The following GNG7 variants were observed in gnomAD, a reference collection of about 807,000 sequenced individuals.
GNG7 encodes guanine nucleotide-binding protein G(I)/G(S)/G(O) subunit gamma-7.
A neutral mutation model predicts 4.0 loss-of-function variants in GNG7; 1 was observed. That is an observed-to-expected ratio of 0.25 (90% CI 0.09 to 1.18). GNG7 has a LOEUF of 1.18. GNG7 is among the 50% of genes most tolerant of loss of function. The pLI, the probability that GNG7 is intolerant of heterozygous loss-of-function variation, is 0.50. For synonymous variants in GNG7, 34 were observed against 36.9 expected, an observed-to-expected ratio of 0.92 and a Z score of 0.29; for missense variants, 86 against 91.9, an observed-to-expected ratio of 0.94 and a Z score of 0.26.
chr19:2,523,407 C>T (rs1599371566), intron 3 of GNG7, among the ~76,000 whole-genome samples: 1 of 151,794 alleles, frequency 6.6e-6, no homozygotes, highest in East Asian at 1.9e-4. Context: ...AGAAAATTAG[C>T]TGGGCATGGG....
chr19:2,538,623 C>T (rs1304481939), intron 3 of GNG7: 6 of 435,602 alleles, frequency 1.4e-5, no homozygotes, highest in Non-Finnish European at 2.3e-5. Flanking sequence ...AGAGCAAGAC[C>T]CTGTCTTTAA....
At chr19:2,685,685 G>C (rs1012015650) in intron 1 of GNG7, among the ~76,000 whole-genome samples, 2 of 152,156 alleles carry the variant, frequency 1.3e-5, no homozygotes, top group East Asian at 3.9e-4. Flanking sequence ...CTGAGAGTCA[G>C]AGACGGGGGA....
In GNG7 at chr19:2,514,992, G is replaced by T; in HGVS notation, c.*30C>A. The T allele has an allele frequency of 6.4e-7, 1 of 1,567,368 alleles. No homozygotes were observed. The highest frequency in any genetic ancestry group is 8.8e-7 in the Non-Finnish European group (1 of 1,138,764). On this transcript the variant is annotated 3_prime_UTR_variant, in exon 5 of 5. Coordinates refer to ENST00000382159, the MANE Select transcript of GNG7 (RefSeq NM_052847.3). ...ACAGAGAGAGAGAGAGAGAAAGAGA[G>T]AGAGAGAGAGAGAACATATGAGAAC...
chr19:2,639,363 G>C (rs1039142835), intron 2 of GNG7, among the ~76,000 whole-genome samples: 1 of 151,902 alleles, frequency 6.6e-6, no homozygotes, highest in Non-Finnish European at 1.5e-5. Context: ...CTGAGACGCC[G>C]GAACAGAAAG....
intron 3 of GNG7, among the ~76,000 whole-genome samples, chr19:2,539,760 C>A (rs542368007): frequency 6.6e-6 from 1 of 152,266 alleles, no homozygotes; most frequent in South Asian, 2.1e-4. Flanking sequence ...TTAGGGAGAA[C>A]AACCTAGAGG....
intron 3 of GNG7, among the ~76,000 whole-genome samples, chr19:2,531,770 CAAAA>C (rs57772201): frequency 0.036 from 4,676 of 128,256 alleles, 95 homozygotes; most frequent in African/African-American, 0.044. Context: ...GACTCCGTCC[CAAAA>C]AAAAAAAAAA....
rs113432602 is a variant in GNG7 at position 2,625,537 on chromosome 19, C to T, written c.-78+20687G>A. ...ATTAGCCAGACTTCTCTCTTCTCCT[C>T]GGTCACGGGGATCAGGAAGCAGAGA... On this transcript the variant is annotated intron_variant, in intron 2 of 4. Transcript: ENST00000382159. 4.5e-4 allele frequency among the ~76,000 whole-genome samples: 69 copies of T among 152,148 alleles called. 1 individual carries two copies. The South Asian group carries it at 4.6e-3, about 10-fold the overall frequency.
chr19:2,525,701 G>C (rs570758017), intron 3 of GNG7, among the ~76,000 whole-genome samples: 1 of 152,122 alleles, frequency 6.6e-6, no homozygotes, highest in Non-Finnish European at 1.5e-5. Flanking sequence ...CCCTTGCTCC[G>C]GCAGTTATCC....
chr19:2,539,687 C>G (rs376209791), intron 3 of GNG7, among the ~76,000 whole-genome samples: 1 of 152,096 alleles, frequency 6.6e-6, no homozygotes. Context: ...CCTGAATGGA[C>G]CTCTGTGCTG....
intron 4 of GNG7, among the ~76,000 whole-genome samples, chr19:2,515,842 G>C (rs1226718738): frequency 2.0e-5 from 3 of 152,016 alleles, no homozygotes; most frequent in Admixed American, 2.0e-4. Context: ...TTTCCTTTTG[G>C]GGTGATGGAA....
At chr19:2,639,692 G>A (rs1286697425) in intron 2 of GNG7, among the ~76,000 whole-genome samples, 6 of 12,860 alleles carry the variant, frequency 4.7e-4, no homozygotes, top group South Asian at 2.5e-3. Flanking sequence ...GAGGGAGGGA[G>A]GCAGGGAGTG....
chr19:2,639,062 C>A (rs1982411042), intron 2 of GNG7, among the ~76,000 whole-genome samples: 1 of 151,882 alleles, frequency 6.6e-6, no homozygotes, highest in South Asian at 2.1e-4. Flanking sequence ...CATGGTGAAA[C>A]CCCATCTCTA....
chr19:2,597,862 C>T (rs1000243851), intron 2 of GNG7, among the ~76,000 whole-genome samples: 1 of 147,124 alleles, frequency 6.8e-6, no homozygotes, highest in Admixed American at 6.9e-5. Flanking sequence ...CGCCACTGCA[C>T]TCCAGCCTGG....
intron 3 of GNG7, among the ~76,000 whole-genome samples, chr19:2,528,399 T>C (rs1187699229): frequency 3.5e-5 from 5 of 143,518 alleles, no homozygotes; most frequent in African/African-American, 1.1e-4. Context: ...GGTGAAACCC[T>C]GTCTCTACTA....
chr19:2,620,324 G>A (rs917503209), intron 2 of GNG7, among the ~76,000 whole-genome samples: 2 of 149,960 alleles, frequency 1.3e-5, no homozygotes, highest in East Asian at 2.0e-4. Flanking sequence ...GCTACAGGCC[G>A]TCGTCCCGAC....
intron 2 of GNG7, among the ~76,000 whole-genome samples, chr19:2,641,323 C>T (rs1568271395): frequency 6.6e-6 from 1 of 152,144 alleles, no homozygotes; most frequent in African/African-American, 2.4e-5. Context: ...CCCCAGAAGC[C>T]GTGGACAGGT....
chr19:2,623,915 T>C (rs987651814), intron 2 of GNG7, among the ~76,000 whole-genome samples: 6 of 152,048 alleles, frequency 3.9e-5, no homozygotes, highest in African/African-American at 1.2e-4. Flanking sequence ...ACTGCACGCC[T>C]AGGAGGTCCC....
intron 2 of GNG7, among the ~76,000 whole-genome samples, chr19:2,628,151 G>A (rs570637842): frequency 3.9e-5 from 6 of 152,260 alleles, no homozygotes; most frequent in South Asian, 2.1e-4. Flanking sequence ...TAACAACAGC[G>A]GCAACAAAGA....
At chr19:2,553,717 T>C (rs962897944) in intron 3 of GNG7, among the ~76,000 whole-genome samples, 5 of 148,674 alleles carry the variant, frequency 3.4e-5, no homozygotes, top group African/African-American at 9.8e-5. Context: ...TATAATATAT[T>C]ACATATATGT....
Sources: allele counts gnomAD v4.1 joint callset (sites outside exome capture counted in the v4.1 genomes callset), GRCh38; gene constraint gnomAD v4.1.1; transcripts MANE v1.5; gene names NCBI Gene and HGNC (gene_info 2026-07-23, HGNC 2026-07-21).